The following PTPRD variants were observed in gnomAD, a reference collection of about 807,000 sequenced individuals.
PTPRD encodes protein tyrosine phosphatase receptor type D, also known as receptor-type tyrosine-protein phosphatase delta.
Under a neutral mutation model 214.5 loss-of-function variants are expected in PTPRD, and 34 were observed. The observed-to-expected ratio is 0.16, with a 90% CI of 0.12 to 0.21. PTPRD has a LOEUF of 0.21. PTPRD is among the 10% of genes least tolerant of loss of function. The pLI, the probability that PTPRD is intolerant of heterozygous loss-of-function variation, is 1.00. For synonymous variants in PTPRD, 1,128 were observed against 845.7 expected (o/e 1.33, Z -5.79); for missense variants, 2,545 against 2,398.7 (o/e 1.06, Z -1.27).
chr9:9,060,003 C>G (rs2099704134), intron 10 of PTPRD, among the ~76,000 whole-genome samples: 1 of 152,008 alleles, frequency 6.6e-6, no homozygotes, highest in South Asian at 2.1e-4. Context: ...TAATGCAATT[C>G]CAATAAAATG....
intron 2 of PTPRD, among the ~76,000 whole-genome samples, chr9:10,504,179 AGTCTAAAGCCAAAGGCGGTAACTATT>A (rs2045079278): frequency 2.1e-5 from 3 of 143,304 alleles, no homozygotes; most frequent in Admixed American, 7.2e-5. Flanking sequence ...GCGATTCTTG[AGTCTAAAGCCAAAGGCGGTAACTATT>A]GCTGTAACAG....
At chr9:8,642,665 G>A (rs1020372470) in intron 12 of PTPRD, among the ~76,000 whole-genome samples, 5 of 151,956 alleles carry the variant, frequency 3.3e-5, no homozygotes, top group African/African-American at 1.2e-4. Flanking sequence ...AGTGAGGGGT[G>A]GTTCCAAGGG....
intron 3 of PTPRD, among the ~76,000 whole-genome samples, chr9:10,144,726 G>T (rs2099010582): frequency 6.6e-6 from 1 of 152,044 alleles, no homozygotes; most frequent in Non-Finnish European, 1.5e-5. Flanking sequence ...AATCAGCTAA[G>T]GAGCCTCTAT....
chr9:10,232,978 T>C (rs1184134792), intron 3 of PTPRD, among the ~76,000 whole-genome samples: 2 of 152,026 alleles, frequency 1.3e-5, no homozygotes, highest in East Asian at 1.9e-4. Context: ...AAACCCTCAC[T>C]GGCATTCAAC....
At chr9:8,699,542 T>C (rs906773561) in intron 12 of PTPRD, among the ~76,000 whole-genome samples, 1 of 152,166 alleles carries the variant, frequency 6.6e-6, no homozygotes, top group Non-Finnish European at 1.5e-5. Context: ...TTGGACAAGT[T>C]TGAAAATAAT....
At chr9:8,538,543 A>G (rs1447141727) in intron 14 of PTPRD, among the ~76,000 whole-genome samples, 1 of 151,716 alleles carries the variant, frequency 6.6e-6, no homozygotes, top group Non-Finnish European at 1.5e-5. Context: ...AAAAAAAAGA[A>G]AATCAGAATC....
At chr9:10,452,508 C>T (rs565527955) in intron 2 of PTPRD, among the ~76,000 whole-genome samples, 1 of 151,776 alleles carries the variant, frequency 6.6e-6, no homozygotes, top group Non-Finnish European at 1.5e-5. Flanking sequence ...TTTATATTGG[C>T]CACCCTAACA....
At chr9:8,822,895 C>T (rs899347186) in intron 11 of PTPRD, among the ~76,000 whole-genome samples, 2 of 152,066 alleles carry the variant, frequency 1.3e-5, no homozygotes, top group African/African-American at 4.8e-5. Flanking sequence ...AAAGGATTAA[C>T]AGATTTCCAT....
chr9:10,097,916 A>T lies in PTPRD; in HGVS notation c.-544-64126T>A, dbSNP rs538386533. Among the ~76,000 whole-genome samples, 3 of 151,960 alleles carry T rather than the reference A, an allele frequency of 2.0e-5. No individual in the cohort carries two copies. In the East Asian group the frequency reaches 5.9e-4, roughly 30 times the overall value. On this transcript the variant is annotated intron_variant, in intron 3 of 45. Transcript: ENST00000381196. ...GGCGAGACTGCAAACTAGTTCAACC[A>T]TTGTGGAAGTCGGTGTAGCGATTCC...
At chr9:9,351,446 T>A (rs1016552922) in intron 9 of PTPRD, among the ~76,000 whole-genome samples, 2 of 151,998 alleles carry the variant, frequency 1.3e-5, no homozygotes, top group African/African-American at 4.8e-5. Context: ...AATAATTCTA[T>A]GCATTAGATG....
chr9:9,491,551 A>T (rs1246663243), intron 8 of PTPRD, among the ~76,000 whole-genome samples: 1 of 152,008 alleles, frequency 6.6e-6, no homozygotes, highest in African/African-American at 2.4e-5. Context: ...TTGCTAATTA[A>T]GTCTCAATAG....
intron 7 of PTPRD, among the ~76,000 whole-genome samples, chr9:9,628,145 T>G (rs2095480032): frequency 1.3e-5 from 2 of 152,214 alleles, no homozygotes; most frequent in African/African-American, 4.8e-5. Context: ...ATTATGATAC[T>G]GTATAAATGT....
rs138637496 is a variant in PTPRD at position 9,281,526 on chromosome 9, C to T, written c.-202-98163G>A. ...AACATCATAGGTCCTTAGGAAATTG[C>T]AAATTAAAACAACAATGAAATATTA... On this transcript the variant is annotated intron_variant, in intron 9 of 45. Coordinates refer to ENST00000381196, the MANE Select transcript of PTPRD (RefSeq NM_002839.4). 4.3e-3 allele frequency among the ~76,000 whole-genome samples: 653 copies of T among 151,216 alleles called. 3 individuals are homozygous for T. Among genetic ancestry groups the T allele is most frequent in the African/African-American group, 0.014 (575 of 41,412 alleles).
rs544019076 is a variant in PTPRD, at chr9:9,019,026, G to A, written c.-142-291C>T. Among the ~76,000 whole-genome samples the A allele has an allele frequency of 3.9e-5, 6 of 152,076 alleles. No homozygotes were observed. The South Asian group carries it at 1.2e-3, about 32-fold the overall frequency. On this transcript the variant is annotated intron_variant, in intron 10 of 45. Transcript: ENST00000381196. ...TATCCCCTAATCAAAATTATATGTA[G>A]TAGAAAAGAAATAACATACAGAACC...
chr9:9,580,867 G>A (rs1027283309), intron 7 of PTPRD, among the ~76,000 whole-genome samples: 2 of 151,752 alleles, frequency 1.3e-5, no homozygotes, highest in African/African-American at 2.4e-5. Context: ...ACTTTTTAAT[G>A]GGATTTGTTT....
At chr9:9,820,074 G>A (rs999263790) in intron 5 of PTPRD, among the ~76,000 whole-genome samples, 5 of 152,038 alleles carry the variant, frequency 3.3e-5, no homozygotes, top group East Asian at 1.9e-4. Context: ...ATTGCTTTCC[G>A]CAGTGGCTGA....
intron 11 of PTPRD, among the ~76,000 whole-genome samples, chr9:8,835,080 A>T (rs967832160): frequency 6.6e-6 from 1 of 152,246 alleles, no homozygotes; most frequent in Non-Finnish European, 1.5e-5. Context: ...CAGTAAAGAC[A>T]GTGGCATGGA....
chr9:8,362,186 A>G (rs2078673363), intron 39 of PTPRD, among the ~76,000 whole-genome samples: 1 of 152,230 alleles, frequency 6.6e-6, no homozygotes, highest in Non-Finnish European at 1.5e-5. Context: ...TTTAGAAAAT[A>G]TAAACACAAC....
chr9:8,319,552 T>C (rs1825241292), intron 45 of PTPRD, among the ~76,000 whole-genome samples: 1 of 152,028 alleles, frequency 6.6e-6, no homozygotes, highest in African/African-American at 2.4e-5. Context: ...ATAACGAATT[T>C]TATGAAATTG....
Sources: gnomAD v4.1 joint callset for allele counts (sites outside exome capture counted in the v4.1 genomes callset) on GRCh38, gnomAD v4.1.1 for gene constraint, MANE v1.5 for transcripts, NCBI Gene and HGNC (gene_info 2026-07-23, HGNC 2026-07-21) for gene names.